Variants in CAMKK2 observed in about 807,000 individuals in gnomAD.
CAMKK2 encodes the protein calcium/calmodulin-dependent protein kinase kinase 2.
CAMKK2 carries 30 observed loss-of-function variants against 67.2 expected under a neutral mutation model. The ratio of observed to expected loss-of-function variants is 0.45; its 90% CI spans 0.33 to 0.61. The LOEUF is 0.61. CAMKK2 is among the 20% of genes least tolerant of loss of function. The probability of loss-of-function intolerance (pLI) is 0.02; values close to 1 mark genes in which losing one functional copy is unlikely to be tolerated. For synonymous variants in CAMKK2, 322 were observed against 326.2 expected (o/e 0.99, Z 0.14); for missense variants, 643 against 802.0 (o/e 0.80, Z 2.39).
chr12:121,252,779 C>T (rs1281381308), intron 10 of CAMKK2, 65 bp from the exon 11 acceptor site: 1 of 1,532,648 alleles, frequency 6.5e-7, no homozygotes, highest in Non-Finnish European at 9.0e-7. Context: ...CTCCAGTTTT[C>T]CTTTGGGGAA....
chr12:121,240,796 C>T lies in CAMKK2; in HGVS notation c.1670G>A (p.Arg557Lys), dbSNP rs776196438. Residue 557 changes from arginine to lysine, a missense_variant, in exon 17 of 17, where the codon AGA becomes AAA. This residue lies in a region of CAMKK2 where 140 missense variants were observed against 124.2 expected (regional missense o/e 1.13). Coordinates refer to ENST00000404169, the MANE Select transcript of CAMKK2 (RefSeq NM_001270485.2). The surrounding 1 kb of genome is among the most constrained non-coding windows in gnomAD (Gnocchi z 4.4). The stretch of plus-strand genomic sequence containing the variant: ...GCAACTTTCCACGCAGGGACTGCCT[C>T]TCACAAGAGCACTTCCTCCTCCCCC... ...PRGGGGSALV[R>K]GSPCVESCWA... The T allele has an allele frequency of 1.2e-6, 2 of 1,610,808 alleles. No individual in the cohort carries two copies. The highest frequency in any genetic ancestry group is 8.5e-7 in the Non-Finnish European group (1 of 1,179,432).
At position 121,244,592 on chromosome 12, in the gene CAMKK2, T is replaced by C. The variant is rs777356978; in HGVS notation, c.1577A>G (p.Glu526Gly). 1.9e-6 allele frequency: 3 copies of C among 1,564,262 alleles called. No homozygotes were observed. Among genetic ancestry groups the C allele is most frequent in the Non-Finnish European group, 2.6e-6 (3 of 1,154,052 alleles). The stretch of plus-strand genomic sequence containing the variant: ...CGTTACCTTGAGCTCAGACAGGGAC[T>C]CACATTCCCTGGTTGGTTTTTTGCT... ...LLTKKPTREC[E>G]SLSELKEARQ... The change falls in exon 16 of 17, where the codon GAG becomes GGG. Residue 526 changes from glutamate to glycine, a missense_variant. Physicochemically the swap from Glu to Gly is moderately conservative, Grantham distance 98. Transcript: ENST00000404169.
chr12:121,281,424 C>T (rs917128627), intron 1 of CAMKK2, among the ~76,000 whole-genome samples: 1 of 152,240 alleles, frequency 6.6e-6, no homozygotes, highest in Admixed American at 6.5e-5. Flanking sequence ...ATGTCCTGCC[C>T]GGGACATCAA....
At chr12:121,241,071 C>T (rs1456230914) in intron 16 of CAMKK2, among the ~76,000 whole-genome samples, 1 of 152,132 alleles carries the variant, frequency 6.6e-6, no homozygotes, top group African/African-American at 2.4e-5. Flanking sequence ...TGCACGCAGC[C>T]CCTCTGTAAA....
In CAMKK2 at chr12:121,240,848, G is replaced by C. The variant is rs1477782377; in HGVS notation, c.1618C>G (p.Pro540Ala). ...ELKEARQRRQ[P>A]PGHRPAPRGG... ...CGGGGGGCGGGTCGGTGCCCTGGAG[G>C]TTGTCTTCGCTGCCTTGCTTCCTGC... is the stretch of plus-strand genomic sequence containing the variant. The change falls in exon 17 of 17, where the codon CCT (proline) becomes GCT (alanine). Residue 540 changes from proline (P) to alanine (A), a missense_variant. Coordinates refer to ENST00000404169, the MANE Select transcript of CAMKK2 (RefSeq NM_001270485.2). The surrounding 1 kb of genome is among the most constrained non-coding windows in gnomAD (Gnocchi z 4.4). The C allele has an allele frequency of 1.2e-6, 2 of 1,612,536 alleles. No individual in the cohort carries two copies. The highest frequency in any genetic ancestry group is 1.1e-5 in the South Asian group (1 of 91,066).
At chr12:121,284,330 T>C (rs75077778) in intron 1 of CAMKK2, among the ~76,000 whole-genome samples, 12,504 of 152,296 alleles carry the variant, frequency 0.082, 560 homozygotes, top group South Asian at 0.18. Context: ...TTTTTATTTA[T>C]TTACTTATTT....
chr12:121,278,671 G>A (rs180852785), intron 1 of CAMKK2, among the ~76,000 whole-genome samples: 5 of 152,316 alleles, frequency 3.3e-5, no homozygotes, highest in South Asian at 4.1e-4. Context: ...ATGTAAGACC[G>A]GACTTGCTCC....
intron 1 of CAMKK2, among the ~76,000 whole-genome samples, chr12:121,281,829 T>C (rs933695288): frequency 3.3e-5 from 5 of 152,134 alleles, no homozygotes; most frequent in Non-Finnish European, 7.4e-5. Context: ...GCCTGTAATC[T>C]CAGCTACTTG....
At chr12:121,291,001 G>C (rs1171850004) in intron 1 of CAMKK2, among the ~76,000 whole-genome samples, 1 of 152,170 alleles carries the variant, frequency 6.6e-6, no homozygotes, top group Non-Finnish European at 1.5e-5. Flanking sequence ...TGAATTTTTA[G>C]TAGAGATGGG....
intron 6 of CAMKK2, 107 bp downstream of exon 6, chr12:121,263,699 G>C: frequency 9.9e-7 from 1 of 1,008,502 alleles, no homozygotes; most frequent in South Asian, 1.9e-5. Context: ...CAGCCCTGCA[G>C]TGAGCGGTCT....
intron 9 of CAMKK2, among the ~76,000 whole-genome samples, chr12:121,254,492 C>G: frequency 6.6e-6 from 1 of 151,940 alleles, no homozygotes. Flanking sequence ...CAAGCAGAAG[C>G]AGAAAGGACA....
chr12:121,266,148 G>T (rs1894484341), intron 5 of CAMKK2, among the ~76,000 whole-genome samples: 1 of 152,104 alleles, frequency 6.6e-6, no homozygotes, highest in Non-Finnish European at 1.5e-5. Flanking sequence ...GCCCACACTG[G>T]TCTCAAACTC....
intron 11 of CAMKK2, among the ~76,000 whole-genome samples, 168 bp downstream of exon 11, chr12:121,252,493 C>T (rs1890935153): frequency 1.7e-5 from 1 of 58,862 alleles, no homozygotes. Context: ...TGGTCTCCAA[C>T]TCCTAACCTC....
At chr12:121,277,573 A>G (rs1897042258) in intron 1 of CAMKK2, among the ~76,000 whole-genome samples, 1 of 152,248 alleles carries the variant, frequency 6.6e-6, no homozygotes, top group Admixed American at 6.5e-5. Context: ...TCTGACTCAC[A>G]CTACAACACA....
chr12:121,260,785 T>G (rs1439409017), intron 6 of CAMKK2, among the ~76,000 whole-genome samples: 1 of 151,956 alleles, frequency 6.6e-6, no homozygotes, highest in Non-Finnish European at 1.5e-5. Context: ...AAACCCCATC[T>G]CTACTAAAAA....
In CAMKK2 at chr12:121,248,639, GT is replaced by G; in HGVS notation, c.1418del (p.Asn473ThrfsTer12). ...CCAAGCTGGGAATGTGTTTGACTGA[GT>G]TCTCGACCTCCTCTTCAGTCACTTC... ...LVEVTEEEVE[N>X]SVKHIPSLAT... is the part of the protein sequence containing the mutation. On this transcript the variant is annotated frameshift_variant, in exon 14 of 17. Transcript: ENST00000404169. LOFTEE classifies it high-confidence loss of function. The G allele has an allele frequency of 6.2e-7, 1 of 1,614,204 alleles. No individual in the cohort carries two copies. Among genetic ancestry groups the G allele is most frequent in the South Asian group, 1.1e-5 (1 of 91,088 alleles).
intron 1 of CAMKK2, among the ~76,000 whole-genome samples, chr12:121,294,592 C>T (rs1321685750): frequency 6.6e-6 from 1 of 152,224 alleles, no homozygotes; most frequent in Non-Finnish European, 1.5e-5. Flanking sequence ...GGTCTCTGCT[C>T]TTGAACAGGT....
intron 5 of CAMKK2, among the ~76,000 whole-genome samples, chr12:121,264,573 G>A (rs939062779): frequency 5.9e-5 from 9 of 152,080 alleles, no homozygotes; most frequent in African/African-American, 2.2e-4. Context: ...AGGAGATTGA[G>A]ACCATCCTGA....
chr12:121,254,677 G>A (rs1307174582), intron 9 of CAMKK2, among the ~76,000 whole-genome samples: 1 of 152,180 alleles, frequency 6.6e-6, no homozygotes, highest in Non-Finnish European at 1.5e-5. Flanking sequence ...AGTGCCTGGT[G>A]CACATAGAAA....
Sources: gnomAD v4.1 joint callset for allele counts (sites outside exome capture counted in the v4.1 genomes callset) on GRCh38, gnomAD v4.1.1 for gene constraint, gnomAD v4.1.1 regional missense constraint, Gnocchi (gnomAD v3.1) non-coding constraint, MANE v1.5 for transcripts, NCBI Gene and HGNC (gene_info 2026-07-23, HGNC 2026-07-21) for gene names.